The following CAMK2D variants were observed in gnomAD, a reference collection of about 807,000 sequenced individuals.
CAMK2D encodes the protein calcium/calmodulin dependent protein kinase II delta, also known as calcium/calmodulin-dependent protein kinase type II subunit delta.
CAMK2D carries 37 observed loss-of-function variants against 84.0 expected under a neutral mutation model. That is an observed-to-expected ratio of 0.44 (90% CI 0.34 to 0.58). The LOEUF (loss-of-function observed/expected upper bound fraction) is 0.58, where lower values mean the gene tolerates loss of function less well. Ranked by LOEUF, CAMK2D falls within the 20% of genes least tolerant of loss-of-function variation. The pLI is 0.02. For synonymous variants in CAMK2D, 202 were observed against 212.5 expected (o/e 0.95, Z 0.43); for missense variants, 448 against 652.5 (o/e 0.69, Z 3.41).
At chr4:113,589,558 T>C (rs2098850624) in intron 4 of CAMK2D, among the ~76,000 whole-genome samples, 1 of 152,076 alleles carries the variant, frequency 6.6e-6, no homozygotes, top group Admixed American at 6.6e-5. Flanking sequence ...AAGGGCGCAA[T>C]GAGTCAATAA....
chr4:113,472,962 G>A (rs1371411626), intron 16 of CAMK2D, among the ~76,000 whole-genome samples: 1 of 152,200 alleles, frequency 6.6e-6, no homozygotes, highest in African/African-American at 2.4e-5. Context: ...ACTTGCTCAA[G>A]TCATCTAGCA....
intron 2 of CAMK2D, among the ~76,000 whole-genome samples, chr4:113,712,671 T>A (rs549693868): frequency 3.7e-4 from 56 of 152,176 alleles, no homozygotes; most frequent in African/African-American, 1.3e-3. Flanking sequence ...TTTTTTTAAT[T>A]TAAATTCTAG....
At chr4:113,700,584 C>CA (rs1437987985) in intron 2 of CAMK2D, among the ~76,000 whole-genome samples, 1 of 152,134 alleles carries the variant, frequency 6.6e-6, no homozygotes, top group Non-Finnish European at 1.5e-5. Flanking sequence ...ACACTTTCCT[C>CA]AAAACCAGAG....
intron 4 of CAMK2D, among the ~76,000 whole-genome samples, chr4:113,571,296 A>C (rs138740784): frequency 6.6e-6 from 1 of 152,298 alleles, no homozygotes; most frequent in Non-Finnish European, 1.5e-5. Flanking sequence ...TGGGGTATAT[A>C]TTCAAAGGAT....
At chr4:113,531,652 A>G (rs559491881) in intron 7 of CAMK2D, among the ~76,000 whole-genome samples, 1 of 152,302 alleles carries the variant, frequency 6.6e-6, no homozygotes, top group African/African-American at 2.4e-5. Flanking sequence ...AAATATGGAG[A>G]AGAACTCACC....
At chr4:113,611,156 C>T (rs1196565736) in intron 3 of CAMK2D, among the ~76,000 whole-genome samples, 2 of 152,036 alleles carry the variant, frequency 1.3e-5, no homozygotes, top group African/African-American at 4.8e-5. Flanking sequence ...GTATTCTTCA[C>T]GTTGCCAATA....
intron 4 of CAMK2D, among the ~76,000 whole-genome samples, chr4:113,580,692 A>G (rs2098803955): frequency 6.6e-6 from 1 of 152,138 alleles, no homozygotes; most frequent in Non-Finnish European, 1.5e-5. Context: ...TTAACTCATG[A>G]AGGCTTATTA....
chr4:113,479,961 T>G (rs1491000439), intron 16 of CAMK2D, among the ~76,000 whole-genome samples: 1 of 152,056 alleles, frequency 6.6e-6, no homozygotes, highest in Non-Finnish European at 1.5e-5. Flanking sequence ...ATTGACATAT[T>G]ATTATTATTT....
chr4:113,534,484 T>C (rs569086547), intron 7 of CAMK2D, among the ~76,000 whole-genome samples: 1 of 152,354 alleles, frequency 6.6e-6, no homozygotes, highest in Admixed American at 6.5e-5. Flanking sequence ...ATAACTTAAT[T>C]GCTGATAGCA....
chr4:113,741,604 C>G (rs557727354), intron 2 of CAMK2D, among the ~76,000 whole-genome samples: 1 of 152,294 alleles, frequency 6.6e-6, no homozygotes, highest in African/African-American at 2.4e-5. Flanking sequence ...CTTGCTTTCA[C>G]TCACACTTCC....
chr4:113,723,998 G>A (rs951706777), intron 2 of CAMK2D, among the ~76,000 whole-genome samples: 12 of 151,936 alleles, frequency 7.9e-5, no homozygotes, highest in African/African-American at 2.2e-4. Context: ...GTTATATTAC[G>A]TATTACGTTA....
rs182613900 is a variant in CAMK2D, at chr4:113,725,544, C to T, written c.160+33776G>A. On this transcript the variant is annotated intron_variant, in intron 2 of 20. Coordinates refer to ENST00000511664, the MANE Select transcript of CAMK2D (RefSeq NM_001321571.2). ...ACTAATGTAAGGTAAACCTCTCTTG[C>T]CCTAAATAGTTCACAAGTAGCTTCT... Among the ~76,000 whole-genome samples, 702 of 152,158 alleles carry T rather than the reference C, an allele frequency of 4.6e-3. 4 individuals carry two copies. Among genetic ancestry groups the T allele is most frequent in the African/African-American group, 0.016 (658 of 41,536 alleles).
At chr4:113,643,193 T>G (rs1461385054) in intron 3 of CAMK2D, among the ~76,000 whole-genome samples, 4 of 152,200 alleles carry the variant, frequency 2.6e-5, no homozygotes, top group Non-Finnish European at 5.9e-5. Flanking sequence ...CTATATTCAT[T>G]CAAATATATG....
chr4:113,653,732 A>T (rs2099186334), intron 3 of CAMK2D, among the ~76,000 whole-genome samples: 1 of 152,084 alleles, frequency 6.6e-6, no homozygotes, highest in East Asian at 1.9e-4. Flanking sequence ...TATTGGTACA[A>T]TAAACACATA....
chr4:113,761,089 T>C lies in CAMK2D; in HGVS notation c.-21A>G. The stretch of plus-strand genomic sequence containing the variant: ...GCCATCCTCGGTCCGGGCTGTGCCC[T>C]GGCTGGGAGCGCGACGGACCAGAAG... On this transcript the variant is annotated 5_prime_UTR_variant, in exon 1 of 21. Transcript: ENST00000511664. 2 of 1,613,930 alleles carry C rather than the reference T, an allele frequency of 1.2e-6. No homozygotes were observed. The highest frequency in any genetic ancestry group is 1.7e-6 in the Non-Finnish European group (2 of 1,180,002).
At chr4:113,636,576 C>T (rs991884195) in intron 3 of CAMK2D, among the ~76,000 whole-genome samples, 2 of 152,120 alleles carry the variant, frequency 1.3e-5, no homozygotes, top group African/African-American at 2.4e-5. Flanking sequence ...CTCACAGTTC[C>T]GGAGGCTGGG....
At chr4:113,545,848 A>C (rs2098563761) in intron 6 of CAMK2D, among the ~76,000 whole-genome samples, 1 of 152,222 alleles carries the variant, frequency 6.6e-6, no homozygotes, top group Admixed American at 6.5e-5. Flanking sequence ...GCCTTAAAGA[A>C]ATCTGGTGGG....
At chr4:113,634,228 C>A (rs186889516) in intron 3 of CAMK2D, among the ~76,000 whole-genome samples, 2 of 152,288 alleles carry the variant, frequency 1.3e-5, no homozygotes, top group Admixed American at 1.3e-4. Flanking sequence ...TTCATTTACA[C>A]GTTGTAGGGA....
chr4:113,707,852 C>CT (rs1441302113), intron 2 of CAMK2D, among the ~76,000 whole-genome samples: 2 of 152,088 alleles, frequency 1.3e-5, no homozygotes, highest in African/African-American at 2.4e-5. Flanking sequence ...ATCTACCTGT[C>CT]TAAGTGCTGT....
Sources: gnomAD v4.1 joint callset for allele counts (sites outside exome capture counted in the v4.1 genomes callset) on GRCh38, gnomAD v4.1.1 for gene constraint, MANE v1.5 for transcripts, NCBI Gene and HGNC (gene_info 2026-07-23, HGNC 2026-07-21) for gene names.